The following NKAIN2 variants were observed in gnomAD, a reference collection of about 807,000 sequenced individuals.
NKAIN2 encodes sodium/potassium-transporting ATPase subunit beta-1-interacting protein 2.
In NKAIN2, 14 loss-of-function variants were observed where a neutral mutation model predicts 32.6. The ratio of observed to expected loss-of-function variants is 0.43; its 90% CI spans 0.28 to 0.67. The LOEUF (loss-of-function observed/expected upper bound fraction) is 0.67. Ranked by LOEUF, NKAIN2 falls within the 30% of genes least tolerant of loss-of-function variation. NKAIN2 has a pLI of 0.17. For synonymous variants in NKAIN2, 80 were observed against 87.2 expected (o/e 0.92, Z 0.46); for missense variants, 198 against 258.3 (o/e 0.77, Z 1.60).
At chr6:124,223,856 T>C (rs953833004) in intron 1 of NKAIN2, among the ~76,000 whole-genome samples, 4 of 152,118 alleles carry the variant, frequency 2.6e-5, no homozygotes, top group African/African-American at 9.7e-5. Context: ...ACAATGAAAA[T>C]ATAGAGATCT....
At chr6:124,816,651 C>T (rs963930310) in intron 5 of NKAIN2, among the ~76,000 whole-genome samples, 32 of 152,238 alleles carry the variant, frequency 2.1e-4, no homozygotes, top group African/African-American at 7.7e-4. Flanking sequence ...ACAGACATCA[C>T]GGACTTTATG....
At chr6:124,727,878 G>A (rs558116698) in intron 4 of NKAIN2, among the ~76,000 whole-genome samples, 13 of 147,204 alleles carry the variant, frequency 8.8e-5, no homozygotes, top group East Asian at 6.1e-4. Flanking sequence ...CCAAGCAAAC[G>A]GAAAACAAAA....
At chr6:124,474,780 T>G (rs1777116306) in intron 3 of NKAIN2, among the ~76,000 whole-genome samples, 1 of 137,494 alleles carries the variant, frequency 7.3e-6, no homozygotes, top group Admixed American at 7.6e-5. Context: ...GAAGATTATC[T>G]TACCCCTGTA....
intron 1 of NKAIN2, among the ~76,000 whole-genome samples, chr6:123,953,755 G>A (rs897537819): frequency 6.6e-6 from 1 of 152,162 alleles, no homozygotes; most frequent in Non-Finnish European, 1.5e-5. Context: ...GGTGCTTGCA[G>A]GCACTGGTTA....
intron 1 of NKAIN2, among the ~76,000 whole-genome samples, chr6:123,918,202 C>G (rs891278952): frequency 2.0e-5 from 3 of 151,950 alleles, no homozygotes; most frequent in Non-Finnish European, 4.4e-5. Flanking sequence ...TGGAAATTAC[C>G]AAATATTACA....
chr6:124,669,173 A>C (rs1042943072), intron 4 of NKAIN2, among the ~76,000 whole-genome samples: 17 of 152,118 alleles, frequency 1.1e-4, no homozygotes, highest in African/African-American at 4.1e-4. Context: ...CAGAAACTTC[A>C]TTAGAGTCTG....
At chr6:124,313,864 C>T (rs182832622) in intron 2 of NKAIN2, among the ~76,000 whole-genome samples, 58 of 152,198 alleles carry the variant, frequency 3.8e-4, no homozygotes, top group African/African-American at 1.4e-3. Context: ...TTATCTCCTT[C>T]CTCAACTTCA....
chr6:124,367,843 C>T (rs1303546685), intron 3 of NKAIN2, among the ~76,000 whole-genome samples: 2 of 152,098 alleles, frequency 1.3e-5, no homozygotes, highest in African/African-American at 2.4e-5. Flanking sequence ...GAAATAACCA[C>T]TTGACCTAAG....
At chr6:124,626,617 G>A (rs1027241039) in intron 3 of NKAIN2, among the ~76,000 whole-genome samples, 86 of 152,064 alleles carry the variant, frequency 5.7e-4, no homozygotes, top group Admixed American at 8.5e-4. Context: ...AGTCAAAAAG[G>A]GAATTACTGA....
intron 1 of NKAIN2, among the ~76,000 whole-genome samples, chr6:124,162,610 C>A (rs1788335857): frequency 6.6e-6 from 1 of 152,020 alleles, no homozygotes; most frequent in Non-Finnish European, 1.5e-5. Context: ...TGGTAGACTT[C>A]ATTTCAAAAG....
At chr6:123,938,411 T>C (rs1207502464) in intron 1 of NKAIN2, among the ~76,000 whole-genome samples, 10 of 70,122 alleles carry the variant, frequency 1.4e-4, no homozygotes, top group African/African-American at 5.8e-4. Flanking sequence ...TATATATATA[T>C]ATATATATAT....
At chr6:124,360,240 G>C (rs897513810) in intron 3 of NKAIN2, among the ~76,000 whole-genome samples, 1 of 150,288 alleles carries the variant, frequency 6.7e-6, no homozygotes, top group African/African-American at 2.5e-5. Flanking sequence ...TCTCTTTTTT[G>C]GTTGTGTCTC....
chr6:124,635,523 G>C (rs750639219), intron 3 of NKAIN2, among the ~76,000 whole-genome samples: 13 of 151,934 alleles, frequency 8.6e-5, no homozygotes, highest in Non-Finnish European at 1.3e-4. Flanking sequence ...AAGAGACATA[G>C]ACAAGATTCA....
chr6:124,365,043 C>T (rs766958838), intron 3 of NKAIN2, among the ~76,000 whole-genome samples: 7 of 151,788 alleles, frequency 4.6e-5, no homozygotes, highest in Non-Finnish European at 1.0e-4. Flanking sequence ...GATGGCATAA[C>T]TCCTAAAAAC....
chr6:124,784,415 C>A (rs1468466564), intron 4 of NKAIN2, among the ~76,000 whole-genome samples: 3 of 152,128 alleles, frequency 2.0e-5, no homozygotes, highest in African/African-American at 7.2e-5. Flanking sequence ...CTGGAAACCA[C>A]CAACCTGTTC....
At chr6:124,749,148 C>G (rs567103099) in intron 4 of NKAIN2, among the ~76,000 whole-genome samples, 1 of 151,868 alleles carries the variant, frequency 6.6e-6, no homozygotes, top group Non-Finnish European at 1.5e-5. Context: ...CTGTTCCAAG[C>G]TTCTAGTGGC....
At chr6:124,392,949 A>G (rs1773208420) in intron 3 of NKAIN2, among the ~76,000 whole-genome samples, 1 of 152,026 alleles carries the variant, frequency 6.6e-6, no homozygotes, top group Admixed American at 6.6e-5. Flanking sequence ...AGGCTGCTGT[A>G]AGCTGTGATT....
chr6:124,561,591 T>A (rs1231366452), intron 3 of NKAIN2, among the ~76,000 whole-genome samples: 1 of 152,192 alleles, frequency 6.6e-6, no homozygotes, highest in African/African-American at 2.4e-5. Context: ...GCTTAAGATG[T>A]ATTGTTTTCT....
intron 1 of NKAIN2, among the ~76,000 whole-genome samples, chr6:124,281,458 A>G (rs72980475): frequency 0.18 from 28,082 of 152,186 alleles, 2,772 homozygotes; most frequent in East Asian, 0.26. Flanking sequence ...TCAGGTTTAT[A>G]AAGCTTAAGT....
Sources: allele counts gnomAD v4.1 joint callset (sites outside exome capture counted in the v4.1 genomes callset), GRCh38; gene constraint gnomAD v4.1.1; transcripts MANE v1.5; gene names NCBI Gene and HGNC (gene_info 2026-07-23, HGNC 2026-07-21).